The following ACER1 variants were observed in gnomAD, a reference collection of about 807,000 sequenced individuals.
The protein encoded by ACER1 is alkaline ceramidase 1.
In ACER1, 28 loss-of-function variants were observed where a neutral mutation model predicts 24.9. The ratio of observed to expected loss-of-function variants is 1.13; its 90% CI spans 0.83 to 1.54. The LOEUF (loss-of-function observed/expected upper bound fraction) is 1.54, where lower values mean the gene tolerates loss of function less well. Among genes scored for constraint, ACER1 ranks in the 40% most tolerant of loss-of-function variants. The pLI, the probability that ACER1 is intolerant of heterozygous loss-of-function variation, is 0.00. For synonymous variants in ACER1, 132 were observed against 131.4 expected (o/e 1.00, Z -0.03); for missense variants, 352 against 349.3 (o/e 1.01, Z -0.06).
Position 6,312,513 on chromosome 19 carries a change from A to C in ACER1, c.94-14T>G. The C allele has an allele frequency of 6.2e-7, 1 of 1,605,570 alleles. No homozygotes were observed. The highest frequency in any genetic ancestry group is 8.5e-7 in the Non-Finnish European group (1 of 1,172,626). On this transcript the variant is annotated splice_polypyrimidine_tract_variant and intron_variant, in intron 1 of 5. Transcript: ENST00000301452. ...GATATTGGAGAACTGGAGCAGAGAG[A>C]GCCATAGGGAGGAGCTCGTCAGATA...
chr19:6,311,633 GAA>G (rs2091581774), intron 3 of ACER1, among the ~76,000 whole-genome samples: 1 of 139,134 alleles, frequency 7.2e-6, no homozygotes, highest in Non-Finnish European at 1.6e-5. Context: ...AGGAGGAGGA[GAA>G]GAAGAAGAAG....
upstream of ACER1, among the ~76,000 whole-genome samples, chr19:6,338,347 G>A (rs1433743102): frequency 3.3e-5 from 5 of 152,138 alleles, no homozygotes; most frequent in Non-Finnish European, 7.3e-5. Context: ...CTATACATGT[G>A]ATATTATTGC....
Position 6,306,846 on chromosome 19 carries a change from C to T in ACER1, c.663G>A (p.Met221Ile), listed in dbSNP as rs76925618. 11,083 of 1,614,050 alleles carry T rather than the reference C, an allele frequency of 6.9e-3. 49 individuals are homozygous for T. The highest frequency in any genetic ancestry group is 0.017 in the Middle Eastern group (106 of 6,060). The change falls in exon 6 of 6, where the codon ATG becomes ATA. Residue 221 changes from methionine to isoleucine, a missense_variant. By Grantham distance (10) the Met-to-Ile change is conservative (BLOSUM62 1). Transcript: ENST00000301452. Reference protein sequence around the residue: ...VLISITFPYGMVTMALVDANY... With the variant: ...VLISITFPYGIVTMALVDANY... ...TGGCATCCACCAAGGCCATGGTGAC[C>T]ATGCCATAAGGGAAGGTGATGCTGA...
the ACER1 span, among the ~76,000 whole-genome samples, chr19:6,356,596 C>T: frequency 0.057 from 8,717 of 152,018 alleles, 354 homozygotes; most frequent in African/African-American, 0.12. Context: ...ATCCCAGCCC[C>T]CTCCTAAATT....
upstream of ACER1, among the ~76,000 whole-genome samples, chr19:6,338,451 T>A (rs1025916564): frequency 6.6e-6 from 1 of 152,254 alleles, no homozygotes; most frequent in East Asian, 1.9e-4. Flanking sequence ...ATATGGTCTA[T>A]AGGTCATATT....
At chr19:6,325,751 T>G (rs921691278) in intron 1 of ACER1, among the ~76,000 whole-genome samples, 1 of 152,206 alleles carries the variant, frequency 6.6e-6, no homozygotes, top group African/African-American at 2.4e-5. Context: ...TCCCAGCTAC[T>G]CTGGGGGCTG....
At chr19:6,316,020 C>T (rs763039356) in intron 1 of ACER1, among the ~76,000 whole-genome samples, 11 of 151,998 alleles carry the variant, frequency 7.2e-5, no homozygotes, top group Admixed American at 3.3e-4. Flanking sequence ...TCCAGCTACT[C>T]GGGAGGCTGA....
At chr19:6,339,441 C>T in the ACER1 span, among the ~76,000 whole-genome samples, 2 of 149,506 alleles carry the variant, frequency 1.3e-5, no homozygotes, top group South Asian at 2.1e-4. Context: ...GGAAGTAGAA[C>T]GGGGGGTATG....
At chr19:6,334,180 G>C (rs2091703696), upstream of ACER1, among the ~76,000 whole-genome samples, 1 of 151,778 alleles carries the variant, frequency 6.6e-6, no homozygotes, top group Non-Finnish European at 1.5e-5. Flanking sequence ...GAGTAGCTGG[G>C]ACTACAGGCG....
At chr19:6,353,526 C>CTTTAA in the ACER1 span, 141,832 of 151,930 alleles carry the variant, frequency 0.93, 66,357 homozygotes, top group East Asian at 1. Flanking sequence ...TCACTATCCA[C>CTTTAA]TTTAAGTCGT....
chr19:6,313,404 C>A (rs10417350), intron 1 of ACER1, among the ~76,000 whole-genome samples: 6,143 of 152,246 alleles, frequency 0.04, 362 homozygotes, highest in African/African-American at 0.13. Context: ...AGGTATGAAC[C>A]ACTGCACCCA....
At chr19:6,353,892 G>A in the ACER1 span, among the ~76,000 whole-genome samples, 1 of 150,254 alleles carries the variant, frequency 6.7e-6, no homozygotes, top group Non-Finnish European at 1.5e-5. Context: ...ATAAAACAGT[G>A]GTTCTCAGGC....
intron 1 of ACER1, among the ~76,000 whole-genome samples, chr19:6,317,829 AC>A (rs1393811277): frequency 6.6e-6 from 1 of 151,958 alleles, no homozygotes; most frequent in Admixed American, 6.6e-5. Flanking sequence ...ATCTTGGCTC[AC>A]TGCAACCTCC....
At chr19:6,347,811 G>A in the ACER1 span, among the ~76,000 whole-genome samples, 7 of 152,006 alleles carry the variant, frequency 4.6e-5, no homozygotes, top group East Asian at 1.2e-3. Flanking sequence ...ACTCCAGCCC[G>A]GAAAAGAAGA....
the ACER1 span, among the ~76,000 whole-genome samples, chr19:6,349,449 G>GAAGGAAGGAAGGGAGGAAAC: frequency 2.1e-5 from 3 of 139,566 alleles, no homozygotes; most frequent in Non-Finnish European, 4.6e-5. Context: ...AGGGAGGAAA[G>GAAGGAAGGAAGGGAGGAAAC]AAGGAAGGAA....
At chr19:6,332,499 C>G (rs2091692831) in intron 1 of ACER1, among the ~76,000 whole-genome samples, 2 of 151,990 alleles carry the variant, frequency 1.3e-5, no homozygotes, top group African/African-American at 4.8e-5. Flanking sequence ...TCTGGAACTC[C>G]TGGGCTCAAG....
intron 1 of ACER1, among the ~76,000 whole-genome samples, chr19:6,314,872 T>TTTTATTCA (rs2091595696): frequency 6.7e-6 from 1 of 150,106 alleles, no homozygotes; most frequent in African/African-American, 2.5e-5. Context: ...CACAATGGAA[T>TTTTATTCA]TTTATTTATT....
At chr19:6,317,497 T>A (rs2091609321) in intron 1 of ACER1, among the ~76,000 whole-genome samples, 1 of 152,212 alleles carries the variant, frequency 6.6e-6, no homozygotes, top group Admixed American at 6.6e-5. Context: ...CCTCCATTTG[T>A]GCTGATGCAC....
At chr19:6,328,861 G>A (rs1414873838) in intron 1 of ACER1, among the ~76,000 whole-genome samples, 1 of 151,388 alleles carries the variant, frequency 6.6e-6, no homozygotes, top group Non-Finnish European at 1.5e-5. Flanking sequence ...TTTTGATAGA[G>A]ATGGGGTTTC....
Sources: allele counts gnomAD v4.1 joint callset (sites outside exome capture counted in the v4.1 genomes callset), GRCh38; gene constraint gnomAD v4.1.1; transcripts MANE v1.5; gene names NCBI Gene and HGNC (gene_info 2026-07-23, HGNC 2026-07-21).